The following CPNE4 variants were observed in gnomAD, a reference collection of about 807,000 sequenced individuals.
CPNE4 encodes copine 4.
In CPNE4, 25 loss-of-function variants were observed where a neutral mutation model predicts 67.9. That is an observed-to-expected ratio of 0.37 (90% CI 0.27 to 0.51). The LOEUF is 0.51. CPNE4 is among the 20% of genes least tolerant of loss of function. The probability of loss-of-function intolerance (pLI) is 0.93; values close to 1 mark genes in which losing one functional copy is unlikely to be tolerated. For missense variants in CPNE4, 464 were observed against 690.8 expected (o/e 0.67, Z 3.68); for synonymous variants, 242 against 244.9 (o/e 0.99, Z 0.11).
intron 7 of CPNE4, among the ~76,000 whole-genome samples, chr3:131,654,310 T>C (rs1260961622): frequency 6.6e-6 from 1 of 152,120 alleles, no homozygotes; most frequent in Admixed American, 6.6e-5. Context: ...TAGGCAAACT[T>C]GTGTCATGGG....
At chr3:131,939,807 T>C (rs553707752) in intron 1 of CPNE4, among the ~76,000 whole-genome samples, 1 of 152,220 alleles carries the variant, frequency 6.6e-6, no homozygotes, top group Admixed American at 6.6e-5. Flanking sequence ...TTATTCTGAT[T>C]CAAGCTGGCA....
chr3:131,665,850 T>G (rs2080246361), intron 7 of CPNE4, among the ~76,000 whole-genome samples: 1 of 151,976 alleles, frequency 6.6e-6, no homozygotes, highest in Admixed American at 6.6e-5. Context: ...TATTAAGCAC[T>G]CCTGCAAAAC....
At chr3:131,767,260 CGTGTGT>C (rs67444198) in intron 2 of CPNE4, among the ~76,000 whole-genome samples, 340 of 150,312 alleles carry the variant, frequency 2.3e-3, no homozygotes, top group African/African-American at 7.8e-3. Flanking sequence ...TAAGTGTGAG[CGTGTGT>C]GTGTGTGTGT....
chr3:131,752,352 C>A (rs2082650638), intron 2 of CPNE4, among the ~76,000 whole-genome samples: 1 of 152,086 alleles, frequency 6.6e-6, no homozygotes, highest in South Asian at 2.1e-4. Flanking sequence ...CCTTTTTTGT[C>A]TAGCTTGGCT....
At chr3:131,965,520 A>G (rs181437436) in intron 1 of CPNE4, among the ~76,000 whole-genome samples, 6 of 152,268 alleles carry the variant, frequency 3.9e-5, no homozygotes. Context: ...AAATAAAAGG[A>G]TGGAGGAATA....
At chr3:131,705,030 TCTCCCTCC>T (rs577201741) in intron 3 of CPNE4, among the ~76,000 whole-genome samples, 6 of 151,608 alleles carry the variant, frequency 4.0e-5, no homozygotes, top group East Asian at 1.9e-4. Context: ...ACACATTCTC[TCTCCCTCC>T]CTCCCTCCCT....
intron 1 of CPNE4, among the ~76,000 whole-genome samples, chr3:131,907,303 C>T (rs1451346035): frequency 6.6e-6 from 1 of 152,116 alleles, no homozygotes; most frequent in Non-Finnish European, 1.5e-5. Flanking sequence ...GCTTCCTCAA[C>T]CTCACATGGC....
At chr3:131,870,482 G>A (rs2087151084) in intron 2 of CPNE4, among the ~76,000 whole-genome samples, 1 of 152,128 alleles carries the variant, frequency 6.6e-6, no homozygotes, top group Non-Finnish European at 1.5e-5. Context: ...TGAGGTGAGA[G>A]GACAAGAAGT....
chr3:131,845,791 G>A (rs543952809), intron 2 of CPNE4, among the ~76,000 whole-genome samples: 1 of 152,266 alleles, frequency 6.6e-6, no homozygotes, highest in Non-Finnish European at 1.5e-5. Flanking sequence ...TGAAGTTTAT[G>A]TAGAGGTTGT....
intron 2 of CPNE4, among the ~76,000 whole-genome samples, chr3:131,824,954 T>C (rs981775161): frequency 2.0e-5 from 3 of 152,112 alleles, no homozygotes; most frequent in Non-Finnish European, 2.9e-5. Flanking sequence ...CCTGTTCTCA[T>C]AAAATGTGAT....
chr3:131,875,856 G>T (rs938997517), intron 2 of CPNE4, among the ~76,000 whole-genome samples: 1 of 152,158 alleles, frequency 6.6e-6, no homozygotes, highest in Non-Finnish European at 1.5e-5. Context: ...TAAATCTTTG[G>T]GGTGTTGTAC....
intron 7 of CPNE4, among the ~76,000 whole-genome samples, chr3:131,661,690 A>G (rs2080129848): frequency 6.6e-6 from 1 of 152,338 alleles, no homozygotes; most frequent in African/African-American, 2.4e-5. Flanking sequence ...CCAGAAGGCC[A>G]TAAAGAAAGC....
chr3:131,720,618 T>C (rs1363252883), intron 3 of CPNE4, among the ~76,000 whole-genome samples: 1 of 152,200 alleles, frequency 6.6e-6, no homozygotes, highest in Non-Finnish European at 1.5e-5. Context: ...TGAGTATATA[T>C]ACACAAAGTG....
intron 2 of CPNE4, among the ~76,000 whole-genome samples, chr3:131,896,634 A>C (rs2088349786): frequency 6.6e-6 from 1 of 152,104 alleles, no homozygotes; most frequent in South Asian, 2.1e-4. Context: ...CCACATGACC[A>C]TTCTTAATGG....
At chr3:131,848,364 T>C (rs951991138) in intron 2 of CPNE4, among the ~76,000 whole-genome samples, 1 of 152,150 alleles carries the variant, frequency 6.6e-6, no homozygotes. Context: ...CCACTCATCT[T>C]TTCTCCCTAC....
intron 1 of CPNE4, among the ~76,000 whole-genome samples, chr3:131,906,690 G>A (rs886627020): frequency 1.3e-5 from 2 of 151,676 alleles, no homozygotes; most frequent in African/African-American, 2.4e-5. Flanking sequence ...CTTTGCTATC[G>A]TGAATAGTGC....
intron 7 of CPNE4, among the ~76,000 whole-genome samples, chr3:131,614,157 T>C (rs922202262): frequency 6.6e-6 from 1 of 152,174 alleles, no homozygotes; most frequent in African/African-American, 2.4e-5. Context: ...TGAGACTTAC[T>C]GTGAAGGTAT....
rs1463244640 is a variant in CPNE4 at position 131,723,565 on chromosome 3, C to T, written c.241G>A (p.Val81Met). 1 of 1,614,032 alleles carries T rather than the reference C, an allele frequency of 6.2e-7. No individual in the cohort carries two copies. Among genetic ancestry groups the T allele is most frequent in the Non-Finnish European group, 8.5e-7 (1 of 1,180,016 alleles). Reference protein sequence around the residue: ...INPVYSKLFTVDFYFEEVQRL... With the variant: ...INPVYSKLFTMDFYFEEVQRL... ...TGCACCTCCTCAAAGTAAAAGTCCA[C>T]AGTAAACAGTTTTGAGTACACTGGG... The change falls in exon 3 of 16, where the codon GTG (valine) becomes ATG (methionine). Residue 81 changes from valine (V) to methionine (M), a missense_variant. By Grantham distance (21) the Val-to-Met change is conservative. Coordinates refer to ENST00000429747, the MANE Select transcript of CPNE4 (RefSeq NM_130808.3).
At chr3:131,963,347 T>G (rs2072240353) in intron 1 of CPNE4, among the ~76,000 whole-genome samples, 1 of 151,976 alleles carries the variant, frequency 6.6e-6, no homozygotes, top group African/African-American at 2.4e-5. Flanking sequence ...CTGCAGTTTT[T>G]TTTTTTCATA....
Sources: gnomAD v4.1 joint callset for allele counts (sites outside exome capture counted in the v4.1 genomes callset) on GRCh38, gnomAD v4.1.1 for gene constraint, MANE v1.5 for transcripts, NCBI Gene and HGNC (gene_info 2026-07-23, HGNC 2026-07-21) for gene names.